The following DNAJC3 variants were observed in gnomAD, a reference collection of about 807,000 sequenced individuals.
The protein encoded by DNAJC3 is dnaJ homolog subfamily C member 3.
A neutral mutation model predicts 68.6 loss-of-function variants in DNAJC3; 38 were observed. The ratio of observed to expected loss-of-function variants is 0.55; its 90% CI spans 0.43 to 0.73. The LOEUF (loss-of-function observed/expected upper bound fraction) is 0.73. Ranked by LOEUF, DNAJC3 falls within the 30% of genes least tolerant of loss-of-function variation. DNAJC3 has a pLI of 0.00. For synonymous variants in DNAJC3, 203 were observed against 204.0 expected (o/e 1.00, Z 0.04); for missense variants, 526 against 591.9 (o/e 0.89, Z 1.16).
intron 9 of DNAJC3, among the ~76,000 whole-genome samples, chr13:95,781,588 G>A (rs961363129): frequency 2.0e-5 from 3 of 152,108 alleles, no homozygotes; most frequent in African/African-American, 4.8e-5. Context: ...GTGTGCTTAC[G>A]TCTCCCATCC....
chr13:95,763,736 C>T lies in DNAJC3; in HGVS notation c.942C>T (p.His314=). 6.2e-7 allele frequency: 1 copy of T among 1,614,014 alleles called. No homozygotes were observed. The highest frequency in any genetic ancestry group is 8.5e-7 in the Non-Finnish European group (1 of 1,179,902). ...TTCGTTCAAAGGAGAGGATTTGCCA[C>T]TGCTTTTCTAAGGTAACAGTTGACT... is the stretch of plus-strand genomic sequence containing the variant. ...YTVRSKERIC[H]CFSKDEKPVE... is the part of the protein sequence containing the mutation. The change falls in exon 8 of 12, where the codon CAC becomes CAT. Residue 314 remains histidine (H), a synonymous_variant. Transcript: ENST00000602402.
intron 1 of DNAJC3, among the ~76,000 whole-genome samples, chr13:95,706,062 C>A (rs1880734729): frequency 6.6e-6 from 1 of 152,182 alleles, no homozygotes; most frequent in African/African-American, 2.4e-5. Context: ...AATTAAACTT[C>A]AAGTTTCAGT....
At chr13:95,679,274 T>G (rs73550507) in intron 1 of DNAJC3, among the ~76,000 whole-genome samples, 2,155 of 146,070 alleles carry the variant, frequency 0.015, 59 homozygotes, top group African/African-American at 0.054. Context: ...GTTCTCAAAC[T>G]TGAGTGTGCA....
At position 95,717,857 on chromosome 13, in the gene DNAJC3, G is replaced by A. The variant is rs191180905; in HGVS notation, c.194-5385G>A. Among the ~76,000 whole-genome samples, 344 of 152,286 alleles carry A rather than the reference G, an allele frequency of 2.3e-3. 2 individuals are homozygous for A. The highest frequency in any genetic ancestry group is 3.5e-3 in the Admixed American group (54 of 15,294). ...TTTTTAAAAAAATACCCAGTCTTGG[G>A]TATGTCTTCATCAGCAGCATGAAAA... On this transcript the variant is annotated intron_variant, in intron 2 of 11. Coordinates refer to ENST00000602402, the MANE Select transcript of DNAJC3 (RefSeq NM_006260.5).
At chr13:95,691,242 C>T (rs1880248510) in intron 1 of DNAJC3, among the ~76,000 whole-genome samples, 2 of 152,020 alleles carry the variant, frequency 1.3e-5, no homozygotes, top group South Asian at 2.1e-4. Flanking sequence ...GGCGGAGACG[C>T]TCCTCACTTC....
intron 4 of DNAJC3, chr13:95,744,741 T>G (rs1234610254): frequency 6.6e-6 from 1 of 152,180 alleles, no homozygotes; most frequent in Non-Finnish European, 1.5e-5. Context: ...TTCGGAACCT[T>G]GATTCCACAG....
intron 4 of DNAJC3, chr13:95,743,087 G>A (rs772465437): frequency 1.4e-5 from 5 of 358,114 alleles, no homozygotes; most frequent in Non-Finnish European, 2.7e-5. Flanking sequence ...TCAGTTGGCT[G>A]TACTTTTATG....
intron 9 of DNAJC3, among the ~76,000 whole-genome samples, chr13:95,769,120 A>G (rs1032263170): frequency 2.0e-5 from 3 of 152,160 alleles, no homozygotes; most frequent in Non-Finnish European, 4.4e-5. Context: ...GTCAAATTTA[A>G]GATATTTGTT....
chr13:95,691,919 G>T (rs185850436), intron 1 of DNAJC3, among the ~76,000 whole-genome samples: 2,586 of 152,316 alleles, frequency 0.017, 79 homozygotes, highest in African/African-American at 0.059. Flanking sequence ...GTCAGGCGTG[G>T]CGGCGCGCGC....
At chr13:95,728,070 T>A (rs1228466823) in intron 4 of DNAJC3, among the ~76,000 whole-genome samples, 1 of 152,236 alleles carries the variant, frequency 6.6e-6, no homozygotes, top group Non-Finnish European at 1.5e-5. Flanking sequence ...TTATCTAGAT[T>A]TTTACATATC....
chr13:95,742,953 A>G, intron 4 of DNAJC3: 1 of 447,776 alleles, frequency 2.2e-6, no homozygotes, highest in Non-Finnish European at 4.5e-6. Context: ...TAATTTTTGT[A>G]TGATGGTATG....
rs1371355382 is a variant in DNAJC3, at chr13:95,778,259, C to G, written c.1076-7680C>G. On this transcript the variant is annotated intron_variant, in intron 9 of 11. Coordinates refer to ENST00000602402, the MANE Select transcript of DNAJC3 (RefSeq NM_006260.5). ...TGGAGACATTACACTTAATAATGTC[C>G]AAACACCAAACAAAGCTACGGTAAC... Among the ~76,000 whole-genome samples the G allele has an allele frequency of 2.6e-5, 4 of 152,184 alleles. No homozygotes were observed. The East Asian group carries it at 7.7e-4, about 29-fold the overall frequency.
Position 95,723,470 on chromosome 13 carries a change from G to A in DNAJC3, c.318+104G>A. 2.3e-6 allele frequency: 3 copies of A among 1,296,848 alleles called. No individual in the cohort carries two copies. The South Asian group carries it at 4.7e-5, about 20-fold the overall frequency. The allele number at this position is 1,296,848 out of a possible 1,614,324, so 80.3% of individuals were successfully genotyped here. A position where few individuals can be genotyped will look rare whatever the true frequency, so the allele number is the denominator to read the frequency against. On this transcript the variant is annotated intron_variant, in intron 3 of 11. Transcript: ENST00000602402. ...TGGCATGCTAGACATAGCTGGAAGA[G>A]ATCAAAGCTACAGTGATGTTGTGGA... is the stretch of plus-strand genomic sequence containing the variant.
chr13:95,754,211 C>T (rs1038700607), intron 4 of DNAJC3, among the ~76,000 whole-genome samples: 8 of 152,174 alleles, frequency 5.3e-5, no homozygotes, highest in Non-Finnish European at 8.8e-5. Flanking sequence ...AGTAAACGAT[C>T]CGCCCCTAAA....
In DNAJC3 at chr13:95,740,925, C is replaced by G. The variant is rs1047221219; in HGVS notation, c.393+15673C>G. Among the ~76,000 whole-genome samples, 4 of 152,128 alleles carry G rather than the reference C, an allele frequency of 2.6e-5. No individual in the cohort carries two copies. The East Asian group carries it at 7.7e-4, about 29-fold the overall frequency. Reference sequence around the variant, plus strand: ...GATTCTTTTTAAAAATGATATGTATCTCTTTTATACATTTTTCATTCATAC... The same window carrying G: ...GATTCTTTTTAAAAATGATATGTATGTCTTTTATACATTTTTCATTCATAC... On this transcript the variant is annotated intron_variant, in intron 4 of 11. Transcript: ENST00000602402.
intron 7 of DNAJC3, among the ~76,000 whole-genome samples, chr13:95,762,794 G>A (rs868282943): frequency 6.6e-6 from 1 of 152,246 alleles, no homozygotes. Context: ...ACAGGCCTCC[G>A]TGTGTGATGT....
chr13:95,692,067 G>GGGACAATT (rs1880285794), intron 1 of DNAJC3, among the ~76,000 whole-genome samples: 2 of 150,814 alleles, frequency 1.3e-5, no homozygotes, highest in African/African-American at 4.9e-5. Context: ...GAGGGAGACC[G>GGGACAATT]TGGAAAGAGA....
chr13:95,779,391 T>A (rs1383646392), intron 9 of DNAJC3, among the ~76,000 whole-genome samples: 2 of 152,164 alleles, frequency 1.3e-5, no homozygotes, highest in African/African-American at 4.8e-5. Flanking sequence ...CCCAAAGTGC[T>A]GGGATTACAG....
At chr13:95,737,719 CTTTA>C (rs1470880127) in intron 4 of DNAJC3, among the ~76,000 whole-genome samples, 189 of 149,972 alleles carry the variant, frequency 1.3e-3, no homozygotes, top group African/African-American at 4.3e-3. Flanking sequence ...CTCTTTTTTT[CTTTA>C]TTAGTCTTGC....
Sources: allele counts gnomAD v4.1 joint callset (sites outside exome capture counted in the v4.1 genomes callset), GRCh38; gene constraint gnomAD v4.1.1; transcripts MANE v1.5; gene names NCBI Gene and HGNC (gene_info 2026-07-23, HGNC 2026-07-21).